The following HDAC11 variants were observed in gnomAD, a reference collection of about 807,000 sequenced individuals.
HDAC11 encodes the protein histone deacetylase 11.
Under a neutral mutation model 41.1 loss-of-function variants are expected in HDAC11, and 23 were observed. The observed-to-expected ratio is 0.56, with a 90% CI of 0.40 to 0.79. The LOEUF is 0.79. Ranked by LOEUF, HDAC11 falls within the 30% of genes least tolerant of loss-of-function variation. HDAC11 has a pLI of 0.00. For synonymous variants in HDAC11, 187 were observed against 186.6 expected, an observed-to-expected ratio of 1.00 and a Z score of -0.02; for missense variants, 402 against 477.3, an observed-to-expected ratio of 0.84 and a Z score of 1.47.
chr3:13,484,955 C>G (rs1701490876), intron 3 of HDAC11, among the ~76,000 whole-genome samples: 1 of 152,142 alleles, frequency 6.6e-6, no homozygotes, highest in Admixed American at 6.5e-5. Context: ...GTTATCTGCC[C>G]CAAGAGTGTG....
rs770143994 is a variant in HDAC11 at position 13,496,863 on chromosome 3, T to G, written c.369+11T>G. ...GGAGGAACCATAATGGTAGGTGGGG[T>G]GGGGGGGCATGGCTGGGCTGGGGGC... On this transcript the variant is annotated intron_variant, in intron 4 of 9. Coordinates refer to ENST00000295757, the MANE Select transcript of HDAC11 (RefSeq NM_024827.4). 274 of 1,079,580 alleles carry G rather than the reference T, an allele frequency of 2.5e-4. No homozygotes were observed. Among genetic ancestry groups the G allele is most frequent in the Non-Finnish European group, 3.3e-4 (244 of 735,874 alleles). 66.9% of individuals were successfully genotyped at this position (1,079,580 alleles called of 1,614,324 possible).
At position 13,502,314 on chromosome 3, in the gene HDAC11, CAT is replaced by C. The variant is rs891498886; in HGVS notation, c.552+382_552+383del. 4 of 228,188 alleles carry C rather than the reference CAT, an allele frequency of 1.8e-5. No individual in the cohort carries two copies. The highest frequency in any genetic ancestry group is 9.1e-5 in the African/African-American group (4 of 44,136). 14.1% of individuals were successfully genotyped at this position (228,188 alleles called of 1,614,324 possible). On this transcript the variant is annotated intron_variant, in intron 7 of 9. Coordinates refer to ENST00000295757, the MANE Select transcript of HDAC11 (RefSeq NM_024827.4). The surrounding 1 kb of genome is among the most constrained non-coding windows in gnomAD (Gnocchi z 4.1). Reference sequence around the variant, plus strand: ...TGCCCCTCAGGCGGATGCCCACACACATGGCTTGGCTCGGGCACCTGGGGTCA... The same window carrying C: ...TGCCCCTCAGGCGGATGCCCACACACGGCTTGGCTCGGGCACCTGGGGTCA...
chr3:13,497,486 C>T (rs1009388096), intron 4 of HDAC11, among the ~76,000 whole-genome samples: 1 of 152,132 alleles, frequency 6.6e-6, no homozygotes, highest in African/African-American at 2.4e-5. Context: ...AGCCCTAATG[C>T]ACCCAAAATT....
intron 5 of HDAC11, among the ~76,000 whole-genome samples, chr3:13,499,470 G>A (rs61194683): frequency 0.01 from 1,555 of 152,276 alleles, 24 homozygotes; most frequent in African/African-American, 0.035. Context: ...CACCACGCCC[G>A]GCCTTCACCC....
Position 13,502,025 on chromosome 3 carries a change from C to G in HDAC11, c.552+92C>G, listed in dbSNP as rs1702391310. ...GCAGGAGAGTCTCCCTCCTCATGTC[C>G]CCACGGCTCTCACGGCTTCTGTCTT... On this transcript the variant is annotated intron_variant, in intron 7 of 9. Transcript: ENST00000295757. This position sits in a 1 kb window ranked among gnomAD's most constrained non-coding sequence, Gnocchi z 4.1. 1.6e-5 allele frequency: 16 copies of G among 1,005,562 alleles called. No homozygotes were observed. The South Asian group carries it at 2.2e-4, about 14-fold the overall frequency. The allele number at this position is 1,005,562 out of a possible 1,614,324, so 62.3% of individuals were successfully genotyped here.
chr3:13,485,670 CCTAG>C lies in HDAC11; in HGVS notation c.252+2110_252+2113del, dbSNP rs557015488. On this transcript the variant is annotated intron_variant, in intron 3 of 9. Coordinates refer to ENST00000295757, the MANE Select transcript of HDAC11 (RefSeq NM_024827.4). ...GGGTGTAGTGGCATGCACTTGTAGT[CCTAG>C]CTACTTGGGAGCCTGAGGCAGGAGA... Among the ~76,000 whole-genome samples the C allele has an allele frequency of 1.1e-3, 161 of 152,250 alleles. 1 individual carries two copies. In the Middle Eastern group the frequency reaches 0.014, roughly 13 times the overall value.
At chr3:13,501,174 G>A (rs905543446) in intron 6 of HDAC11, among the ~76,000 whole-genome samples, 3 of 152,228 alleles carry the variant, frequency 2.0e-5, no homozygotes, top group Non-Finnish European at 2.9e-5. Flanking sequence ...TCCAACCCGC[G>A]CTGTGCTCCA....
Position 13,486,571 on chromosome 3 carries a change from GTT to G in HDAC11, c.252+3030_252+3031del, listed in dbSNP as rs767002835. ...GAGCAGGTGATACTCATGTAGAGGTGTTTTTTTTTTTTTTTTTTTTTTTTGGA... is the reference window on the plus strand; with the variant it reads ...GAGCAGGTGATACTCATGTAGAGGTGTTTTTTTTTTTTTTTTTTTTTTGGA... On this transcript the variant is annotated intron_variant, in intron 3 of 9. Coordinates refer to ENST00000295757, the MANE Select transcript of HDAC11 (RefSeq NM_024827.4). 6.7e-3 allele frequency among the ~76,000 whole-genome samples: 558 copies of G among 83,072 alleles called. 2 individuals carry two copies. The highest frequency in any genetic ancestry group is 0.015 in the East Asian group (40 of 2,666). 54.5% of individuals were successfully genotyped at this position (83,072 alleles called of 152,430 possible). A position where few individuals can be genotyped will look rare whatever the true frequency, so the allele number is the denominator to read the frequency against.
In HDAC11 at chr3:13,482,860, G is replaced by A. The variant is rs114194603; in HGVS notation, c.152-604G>A. Among the ~76,000 whole-genome samples, 909 of 152,170 alleles carry A rather than the reference G, an allele frequency of 6.0e-3. 12 individuals carry two copies. The highest frequency in any genetic ancestry group is 0.02 in the African/African-American group (841 of 41,496). ...ATCACCCAGGCTAGAGTGCAGTGGC[G>A]GAATCAAGGCTCATTGCCACCTCAA... is the stretch of plus-strand genomic sequence containing the variant. On this transcript the variant is annotated intron_variant, in intron 2 of 9. Coordinates refer to ENST00000295757, the MANE Select transcript of HDAC11 (RefSeq NM_024827.4).
intron 4 of HDAC11, 80 bp from the exon 5 acceptor site, chr3:13,498,432 TG>T: frequency 1.3e-6 from 2 of 1,552,016 alleles, no homozygotes; most frequent in Non-Finnish European, 1.8e-6. Context: ...GCAGTGTTTA[TG>T]GAATGAGTGC....
At chr3:13,491,958 T>C (rs1394304774) in intron 3 of HDAC11, among the ~76,000 whole-genome samples, 3 of 152,254 alleles carry the variant, frequency 2.0e-5, no homozygotes, top group African/African-American at 7.2e-5. Flanking sequence ...CTGATCCATG[T>C]TGTCTTGGGT....
chr3:13,481,262 C>G lies in HDAC11; in HGVS notation c.19C>G (p.Leu7Val). 6.2e-7 allele frequency: 1 copy of G among 1,612,350 alleles called. No individual in the cohort carries two copies. Among genetic ancestry groups the G allele is most frequent in the South Asian group, 1.1e-5 (1 of 91,002 alleles). The change falls in exon 2 of 10, where the codon CTG becomes GTG. Residue 7 changes from leucine to valine, a missense_variant. Coordinates refer to ENST00000295757, the MANE Select transcript of HDAC11 (RefSeq NM_024827.4). ...ACACGGTAGGCTACACACAACCCAG[C>G]TGTACCAGCATGTGCCAGAGACACG... Reference protein sequence around the residue: MLHTTQLYQHVPETRWP... With the variant: MLHTTQVYQHVPETRWP...
chr3:13,486,101 C>G (rs2655220), intron 3 of HDAC11, among the ~76,000 whole-genome samples: 2 of 151,810 alleles, frequency 1.3e-5, no homozygotes, highest in African/African-American at 4.8e-5. Flanking sequence ...AACCCTGTCT[C>G]TACTAAAACT....
chr3:13,502,521 GTTC>G lies in HDAC11; in HGVS notation c.553-360_553-358del. On this transcript the variant is annotated intron_variant, in intron 7 of 9. Coordinates refer to ENST00000295757, the MANE Select transcript of HDAC11 (RefSeq NM_024827.4). The surrounding 1 kb of genome is among the most constrained non-coding windows in gnomAD (Gnocchi z 4.1). ...TGTGCTAGTTGGGGCCCTGCCTTGG[GTTC>G]TTGCGACCCCGAACTCCTGAGCCAG... 1 of 219,978 alleles carries G rather than the reference GTTC, an allele frequency of 4.5e-6. No individual in the cohort carries two copies. The highest frequency in any genetic ancestry group is 1.1e-4 in the East Asian group (1 of 8,858). 13.6% of individuals were successfully genotyped at this position (219,978 alleles called of 1,614,324 possible).
chr3:13,503,014 G>A (rs1559381731), intron 8 of HDAC11, 34 bp downstream of exon 8: 2 of 1,533,684 alleles, frequency 1.3e-6, no homozygotes. Context: ...TCTTGGGTGT[G>A]TCCTTGTGGA....
rs561479358 is a variant in HDAC11, at chr3:13,504,012, G to A, written c.650-82G>A. On this transcript the variant is annotated intron_variant, in intron 8 of 9. Transcript: ENST00000295757. Reference sequence around the variant, plus strand: ...GCTGAATCTGACAGACCAGTTTCCAGTCTTGCCTGGTGTCCACAGTCTTGT... The same window carrying A: ...GCTGAATCTGACAGACCAGTTTCCAATCTTGCCTGGTGTCCACAGTCTTGT... The A allele has an allele frequency of 5.5e-5, 73 of 1,326,200 alleles. No homozygotes were observed. In the Admixed American group the frequency reaches 7.0e-4, roughly 13 times the overall value. The allele number at this position is 1,326,200 out of a possible 1,614,324, so 82.2% of individuals were successfully genotyped here.
At chr3:13,485,927 A>G (rs1701539575) in intron 3 of HDAC11, among the ~76,000 whole-genome samples, 1 of 152,210 alleles carries the variant, frequency 6.6e-6, no homozygotes, top group Non-Finnish European at 1.5e-5. Flanking sequence ...GCTCCCTGGC[A>G]GTCAGAACAA....
At chr3:13,489,998 C>CTT (rs144558733) in intron 3 of HDAC11, among the ~76,000 whole-genome samples, 339 of 145,182 alleles carry the variant, frequency 2.3e-3, no homozygotes, top group African/African-American at 7.9e-3. Context: ...CAACTTTGTT[C>CTT]TTTTTTTTTT....
At chr3:13,485,965 A>G (rs1489186530) in intron 3 of HDAC11, among the ~76,000 whole-genome samples, 5 of 146,550 alleles carry the variant, frequency 3.4e-5, no homozygotes, top group African/African-American at 4.9e-5. Flanking sequence ...TTTCTACGGC[A>G]CCTATTAAGA....
Sources: gnomAD v4.1 joint callset for allele counts (sites outside exome capture counted in the v4.1 genomes callset) on GRCh38, gnomAD v4.1.1 for gene constraint, Gnocchi (gnomAD v3.1) non-coding constraint, MANE v1.5 for transcripts, NCBI Gene and HGNC (gene_info 2026-07-23, HGNC 2026-07-21) for gene names.